The following MYO5B variants were observed in gnomAD, a reference collection of about 807,000 sequenced individuals.
The protein encoded by MYO5B is myosin VB.
Under a neutral mutation model 229.3 loss-of-function variants are expected in MYO5B, and 143 were observed. The ratio of observed to expected loss-of-function variants is 0.62; its 90% CI spans 0.54 to 0.72. The LOEUF (loss-of-function observed/expected upper bound fraction) is 0.72. Among genes scored for constraint, MYO5B ranks in the 30% least tolerant of loss-of-function variants. MYO5B has a pLI of 0.00. For missense variants in MYO5B, 2,321 were observed against 2,331.0 expected (o/e 1.00, Z 0.09); for synonymous variants, 918 against 885.2 (o/e 1.04, Z -0.66).
chr18:49,845,852 C>G (rs1333396705), intron 33 of MYO5B, among the ~76,000 whole-genome samples: 1 of 152,176 alleles, frequency 6.6e-6, no homozygotes, highest in Non-Finnish European at 1.5e-5. Context: ...ACTGGCAAAG[C>G]AGCACTGGGC....
At chr18:49,851,588 G>C (rs1035428084) in intron 31 of MYO5B, among the ~76,000 whole-genome samples, 1 of 152,170 alleles carries the variant, frequency 6.6e-6, no homozygotes, top group African/African-American at 2.4e-5. Context: ...AATTCATAAG[G>C]AATCTTGGAA....
At chr18:50,024,933 T>C (rs1192692771) in intron 4 of MYO5B, among the ~76,000 whole-genome samples, 2 of 152,142 alleles carry the variant, frequency 1.3e-5, no homozygotes, top group African/African-American at 4.8e-5. Context: ...AAACTGTCCT[T>C]ACGAACTGTA....
chr18:49,860,977 C>A (rs1039366676), intron 29 of MYO5B, among the ~76,000 whole-genome samples: 1 of 152,230 alleles, frequency 6.6e-6, no homozygotes, highest in Admixed American at 6.5e-5. Context: ...CCTCTCCTCC[C>A]TCAATGCTGG....
intron 23 of MYO5B, 89 bp from the exon 24 acceptor site, chr18:49,879,179 A>C (rs2024559800): frequency 6.4e-7 from 1 of 1,554,302 alleles, no homozygotes; most frequent in Non-Finnish European, 8.9e-7. Context: ...TCTTGTTAAG[A>C]GGCTGCCCAT....
chr18:50,016,916 G>A (rs2026221753), intron 4 of MYO5B, among the ~76,000 whole-genome samples: 1 of 134,794 alleles, frequency 7.4e-6, no homozygotes, highest in Non-Finnish European at 1.5e-5. Context: ...AACCCCTAAA[G>A]CTACCCCTAC....
intron 29 of MYO5B, among the ~76,000 whole-genome samples, chr18:49,861,750 C>T (rs1295646145): frequency 6.6e-6 from 1 of 152,146 alleles, no homozygotes; most frequent in East Asian, 1.9e-4. Flanking sequence ...TCCACCCCCC[C>T]GGGCCTCAGT....
At chr18:50,008,258 G>T (rs1304745731) in intron 4 of MYO5B, among the ~76,000 whole-genome samples, 1 of 152,090 alleles carries the variant, frequency 6.6e-6, no homozygotes, top group African/African-American at 2.4e-5. Context: ...TCACTATACA[G>T]TGTACTAACA....
At chr18:50,172,589 A>G (rs1369098906) in intron 1 of MYO5B, among the ~76,000 whole-genome samples, 1 of 152,234 alleles carries the variant, frequency 6.6e-6, no homozygotes, top group African/African-American at 2.4e-5. Context: ...TGCCAAATGC[A>G]GCATTACCCT....
At chr18:49,967,679 T>G (rs2025641164) in intron 10 of MYO5B, among the ~76,000 whole-genome samples, 1 of 152,146 alleles carries the variant, frequency 6.6e-6, no homozygotes, top group South Asian at 2.1e-4. Flanking sequence ...CAGACATCCT[T>G]TCAAGGTCCC....
At chr18:50,035,082 T>C (rs1044455189) in intron 4 of MYO5B, among the ~76,000 whole-genome samples, 20 of 152,116 alleles carry the variant, frequency 1.3e-4, no homozygotes, top group African/African-American at 4.3e-4. Flanking sequence ...AATAACCCAA[T>C]TGTAGGATAA....
intron 21 of MYO5B, among the ~76,000 whole-genome samples, chr18:49,901,124 C>G (rs1353585581): frequency 2.0e-5 from 3 of 152,160 alleles, no homozygotes; most frequent in Non-Finnish European, 2.9e-5. Context: ...TTGGAAAATC[C>G]TTAGGATCAA....
intron 21 of MYO5B, among the ~76,000 whole-genome samples, chr18:49,898,173 C>T (rs2024801582): frequency 6.6e-6 from 1 of 152,194 alleles, no homozygotes; most frequent in Non-Finnish European, 1.5e-5. Flanking sequence ...CAACTACAAA[C>T]TCACCTAACG....
chr18:50,143,192 T>C (rs189723256), intron 1 of MYO5B, among the ~76,000 whole-genome samples: 1 of 152,272 alleles, frequency 6.6e-6, no homozygotes, highest in African/African-American at 2.4e-5. Flanking sequence ...GACAAACTAG[T>C]GAGTACTCAT....
intron 10 of MYO5B, among the ~76,000 whole-genome samples, chr18:49,965,098 G>A (rs1473812115): frequency 6.6e-6 from 1 of 152,222 alleles, no homozygotes; most frequent in East Asian, 1.9e-4. Context: ...GAGCAAGGTA[G>A]TTCTTACTAC....
chr18:50,114,727 C>T (rs1407888593), intron 1 of MYO5B, among the ~76,000 whole-genome samples: 1 of 152,192 alleles, frequency 6.6e-6, no homozygotes, highest in Non-Finnish European at 1.5e-5. Flanking sequence ...AGCACCGCTG[C>T]ATCTAGGAGC....
chr18:50,185,156 AAT>A (rs2033130187), intron 1 of MYO5B, among the ~76,000 whole-genome samples: 1 of 152,088 alleles, frequency 6.6e-6, no homozygotes, highest in African/African-American at 2.4e-5. Context: ...ACAAACAAGA[AAT>A]ATAAGGAAAA....
chr18:50,048,576 T>C (rs768898310), intron 2 of MYO5B, among the ~76,000 whole-genome samples: 19 of 152,082 alleles, frequency 1.2e-4, no homozygotes, highest in Admixed American at 3.9e-4. Context: ...CAGTTCTACT[T>C]AGCACCCACT....
Position 50,194,985 on chromosome 18 carries a change from C to G in MYO5B, c.-192G>C. The G allele has an allele frequency of 1.3e-6, 1 of 759,190 alleles. No homozygotes were observed. The highest frequency in any genetic ancestry group is 1.8e-6 in the Non-Finnish European group (1 of 566,396). 47.0% of individuals were successfully genotyped at this position (759,190 alleles called of 1,614,324 possible). On this transcript the variant is annotated 5_prime_UTR_variant, in exon 1 of 40. Coordinates refer to ENST00000285039, the MANE Select transcript of MYO5B (RefSeq NM_001080467.3). ...CGCTCCCGGCGGCGCGACCTTTACT[C>G]CCGCCGCGGCGGCGCAGCTACGGCC... is the stretch of plus-strand genomic sequence containing the variant.
At chr18:50,061,852 C>T (rs938590144) in intron 1 of MYO5B, among the ~76,000 whole-genome samples, 1 of 152,196 alleles carries the variant, frequency 6.6e-6, no homozygotes, top group African/African-American at 2.4e-5. Context: ...AATAATAATG[C>T]TACTTCCATC....
Sources: gnomAD v4.1 joint callset for allele counts (sites outside exome capture counted in the v4.1 genomes callset) on GRCh38, gnomAD v4.1.1 for gene constraint, MANE v1.5 for transcripts, NCBI Gene and HGNC (gene_info 2026-07-23, HGNC 2026-07-21) for gene names.